The following CUBN variants were observed in gnomAD, a reference collection of about 807,000 sequenced individuals.
CUBN encodes the protein cubilin.
Under a neutral mutation model 405.3 loss-of-function variants are expected in CUBN, and 282 were observed. The ratio of observed to expected loss-of-function variants is 0.70; its 90% confidence interval spans 0.63 to 0.77. The LOEUF (loss-of-function observed/expected upper bound fraction) is 0.77, where lower values mean the gene tolerates loss of function less well. CUBN is among the 30% of genes least tolerant of loss of function. The pLI, the probability that CUBN is intolerant of heterozygous loss-of-function variation, is 0.00. For synonymous variants in CUBN, 1,684 were observed against 1,617.0 expected, an observed-to-expected ratio of 1.04 and a Z score of -0.99; for missense variants, 4,514 against 4,475.2, an observed-to-expected ratio of 1.01 and a Z score of -0.25.
chr10:16,994,501 C>T (rs535720236), intron 28 of CUBN, among the ~76,000 whole-genome samples: 3 of 152,040 alleles, frequency 2.0e-5, no homozygotes, highest in Non-Finnish European at 2.9e-5. Context: ...GTCATATTTG[C>T]GACTCTGGAT....
At chr10:17,031,477 G>A (rs1454527263) in intron 27 of CUBN, among the ~76,000 whole-genome samples, 1 of 152,198 alleles carries the variant, frequency 6.6e-6, no homozygotes, top group East Asian at 1.9e-4. Flanking sequence ...AGGTCACCTA[G>A]CTACTAAGTA....
intron 60 of CUBN, among the ~76,000 whole-genome samples, chr10:16,841,904 C>G (rs1396351526): frequency 1.5e-5 from 1 of 65,020 alleles, no homozygotes; most frequent in Non-Finnish European, 2.9e-5. Context: ...CAGTGCAAGA[C>G]TGTCTCAAAA....
rs1360156631 is a variant in CUBN, at chr10:16,869,801, C to T, written c.9289G>A (p.Ala3097Thr). The T allele has an allele frequency of 1.2e-6, 2 of 1,614,028 alleles. No homozygotes were observed. The highest frequency in any genetic ancestry group is 2.2e-5 in the East Asian group (1 of 44,870). The change falls in exon 59 of 67, where the codon GCA becomes ACA. Residue 3097 changes from alanine to threonine, a missense_variant. By Grantham distance (58) the Ala-to-Thr change is moderately conservative (BLOSUM62 0). Coordinates refer to ENST00000377833, the MANE Select transcript of CUBN (RefSeq NM_001081.4). ...PSTSCSHDYL[A>T]IYDGANTSDP... Reference sequence around the variant, plus strand: ...CTGGTATTGGCACCATCGTAAATTGCCAGGTAGTCATGGGAGCAGGAGGTG... The same window carrying T: ...CTGGTATTGGCACCATCGTAAATTGTCAGGTAGTCATGGGAGCAGGAGGTG...
intron 31 of CUBN, among the ~76,000 whole-genome samples, chr10:16,974,379 T>A (rs1463050962): frequency 6.6e-6 from 1 of 152,138 alleles, no homozygotes; most frequent in Admixed American, 6.5e-5. Flanking sequence ...GGTATTTGCT[T>A]CTAATGTCTC....
chr10:16,883,329 A>G (rs2796834), intron 56 of CUBN, among the ~76,000 whole-genome samples: 69,701 of 152,030 alleles, frequency 0.46, 18,606 homozygotes, highest in Middle Eastern at 0.62. Context: ...ACAGGCAAAC[A>G]AGGGATTTCA....
At position 17,113,842 on chromosome 10, in the gene CUBN, C is replaced by T. The variant is rs77156326; in HGVS notation, c.883+185G>A. ...AGTCTGACTCTAGCACAGTTTTGGA[C>T]AAGCCTCCCCCTTTTGACGTGGAAT... On this transcript the variant is annotated intron_variant, in intron 8 of 66. Transcript: ENST00000377833. Among the ~76,000 whole-genome samples, 10,248 of 152,220 alleles carry T rather than the reference C, an allele frequency of 0.067. 498 individuals are homozygous for T. Among genetic ancestry groups the T allele is most frequent in the South Asian group, 0.24 (1,136 of 4,818 alleles).
At chr10:17,109,786 G>C in intron 9 of CUBN, 51 bp from the exon 10 acceptor site, 1 of 1,405,904 alleles carries the variant, frequency 7.1e-7, no homozygotes, top group Non-Finnish European at 1.0e-6. Flanking sequence ...GAAGATGGGA[G>C]GACAAAGCCT....
intron 58 of CUBN, among the ~76,000 whole-genome samples, chr10:16,873,669 C>T (rs1252666645): frequency 2.7e-5 from 4 of 150,582 alleles, no homozygotes; most frequent in Non-Finnish European, 5.9e-5. Context: ...TTGCAGTGAG[C>T]CGAGATTGTG....
At chr10:17,073,052 A>G (rs1017383329) in intron 17 of CUBN, among the ~76,000 whole-genome samples, 1 of 152,222 alleles carries the variant, frequency 6.6e-6, no homozygotes, top group Admixed American at 6.5e-5. Context: ...ATTCCCATGT[A>G]TAATTTATTC....
chr10:17,018,405 T>C (rs1236689373), intron 28 of CUBN, among the ~76,000 whole-genome samples: 1 of 152,054 alleles, frequency 6.6e-6, no homozygotes, highest in Admixed American at 6.6e-5. Flanking sequence ...AGATGGTGTG[T>C]CCGGATTTTG....
intron 6 of CUBN, among the ~76,000 whole-genome samples, chr10:17,116,380 G>A (rs77346669): frequency 0.15 from 23,048 of 152,170 alleles, 2,006 homozygotes; most frequent in Middle Eastern, 0.31. Flanking sequence ...GAGGAGGAGG[G>A]TAGAGGAGTC....
Position 17,071,558 on chromosome 10 carries a change from A to G in CUBN, c.2493T>C (p.Phe831=), listed in dbSNP as rs765707506. ...LTGEGVIRSP[F]FPNVYPGERT... ...TTTCTCCAGGATACACGTTAGGAAA[A>G]AAAGGCGAGCGAATGACCCCTTCTC... is the stretch of plus-strand genomic sequence containing the variant. Residue 831 remains phenylalanine, a synonymous_variant, in exon 19 of 67, where the codon TTT becomes TTC. Coordinates refer to ENST00000377833, the MANE Select transcript of CUBN (RefSeq NM_001081.4). 8 of 1,613,952 alleles carry G rather than the reference A, an allele frequency of 5.0e-6. No homozygotes were observed. Among genetic ancestry groups the G allele is most frequent in the Admixed American group, 1.7e-5 (1 of 60,004 alleles).
At chr10:16,957,099 G>A (rs1172314839) in intron 31 of CUBN, among the ~76,000 whole-genome samples, 1 of 151,876 alleles carries the variant, frequency 6.6e-6, no homozygotes, top group African/African-American at 2.4e-5. Flanking sequence ...GTTTACTGTG[G>A]GTGCCCTACT....
At chr10:16,870,178 C>T (rs1840309047) in intron 58 of CUBN, among the ~76,000 whole-genome samples, 1 of 152,198 alleles carries the variant, frequency 6.6e-6, no homozygotes, top group East Asian at 1.9e-4. Context: ...ACAAGTTGAA[C>T]TGATATTTAC....
intron 31 of CUBN, among the ~76,000 whole-genome samples, chr10:16,959,264 G>C (rs1339847784): frequency 6.6e-6 from 1 of 152,068 alleles, no homozygotes; most frequent in Non-Finnish European, 1.5e-5. Flanking sequence ...TATCAAGGAG[G>C]GAGAATATTT....
intron 10 of CUBN, 21 bp downstream of exon 10, chr10:17,109,619 A>AAG: frequency 6.3e-7 from 1 of 1,594,530 alleles, no homozygotes; most frequent in Non-Finnish European, 8.6e-7. Context: ...CCCAAAGCCA[A>AAG]AGAGAGAGAT....
At chr10:16,937,917 T>C in intron 38 of CUBN, 133 bp from the exon 39 acceptor site, 1 of 781,314 alleles carries the variant, frequency 1.3e-6, no homozygotes, top group Non-Finnish European at 2.0e-6. Flanking sequence ...AAACATTTAA[T>C]TTTAGCTTAA....
rs1392426295 is a variant in CUBN at position 17,071,344 on chromosome 10, A to G, written c.2625+82T>C. 7 of 1,421,868 alleles carry G rather than the reference A, an allele frequency of 4.9e-6. No individual in the cohort carries two copies. The East Asian group carries it at 7.4e-5, about 15-fold the overall frequency. The allele number at this position is 1,421,868 out of a possible 1,614,324, so 88.1% of individuals were successfully genotyped here. On this transcript the variant is annotated intron_variant, in intron 19 of 66. Transcript: ENST00000377833. ...TCTACATAAACTACTTTCATTTCCT[A>G]TAACAGATTTGAAGACAACAACCCA...
rs79168650 is a variant in CUBN, at chr10:17,076,482, C to CA, written c.2302-4512dup. 9.1e-3 allele frequency among the ~76,000 whole-genome samples: 1,248 copies of CA among 137,698 alleles called. 11 individuals carry two copies. Among genetic ancestry groups the CA allele is most frequent in the African/African-American group, 0.027 (1,009 of 37,496 alleles). 90.3% of individuals were successfully genotyped at this position (137,698 alleles called of 152,430 possible). A position where few individuals can be genotyped will look rare whatever the true frequency, so the allele number is the denominator to read the frequency against. On this transcript the variant is annotated intron_variant, in intron 17 of 66. Coordinates refer to ENST00000377833, the MANE Select transcript of CUBN (RefSeq NM_001081.4). ...GGACTTGATAAATTTGCACCCCCACCAAAAAAAAAAAAAAAAAAACCTCTT... is the reference window on the plus strand; with the variant it reads ...GGACTTGATAAATTTGCACCCCCACCAAAAAAAAAAAAAAAAAAAACCTCTT...
Sources: allele counts gnomAD v4.1 joint callset (sites outside exome capture counted in the v4.1 genomes callset), GRCh38; gene constraint gnomAD v4.1.1; transcripts MANE v1.5; gene names NCBI Gene and HGNC (gene_info 2026-07-23, HGNC 2026-07-21).